Variants in DCAF5 observed in about 807,000 individuals in gnomAD.
DCAF5 encodes the protein DDB1 and CUL4 associated factor 5.
DCAF5 carries 9 observed loss-of-function variants against 80.7 expected under a neutral mutation model. The observed-to-expected ratio is 0.11, with a 90% CI of 0.07 to 0.19. DCAF5 has a LOEUF of 0.19. Among genes scored for constraint, DCAF5 ranks in the 10% least tolerant of loss-of-function variants. The pLI, the probability that DCAF5 is intolerant of heterozygous loss-of-function variation, is 1.00. For synonymous variants in DCAF5, 433 were observed against 461.9 expected (o/e 0.94, Z 0.80); for missense variants, 842 against 1,205.7 (o/e 0.70, Z 4.47).
At chr14:69,145,389 A>AT (rs1333242539) in intron 1 of DCAF5, among the ~76,000 whole-genome samples, 2 of 152,140 alleles carry the variant, frequency 1.3e-5, no homozygotes, top group African/African-American at 4.8e-5. Flanking sequence ...ACGTTAGCTA[A>AT]TTTTTCTAAT....
chr14:69,132,328 T>C (rs1280307313), intron 1 of DCAF5, among the ~76,000 whole-genome samples: 5 of 152,188 alleles, frequency 3.3e-5, no homozygotes, highest in Non-Finnish European at 5.9e-5. Context: ...GTTTGGATAA[T>C]AGTCATCCTA....
Position 69,118,408 on chromosome 14 carries a change from AATATTAT to A in DCAF5, c.396-137_396-131del, listed in dbSNP as rs879290566. The A allele has an allele frequency of 1.4e-5, 12 of 885,100 alleles. No homozygotes were observed. In the Admixed American group the frequency reaches 3.0e-4, roughly 22 times the overall value. 54.8% of individuals were successfully genotyped at this position (885,100 alleles called of 1,614,324 possible). ...AAAGTCAACCTAGCTAAACCCAAAA[AATATTAT>A]ATTTCCTGAAAGGTAGGTAGTCAAC... On this transcript the variant is annotated intron_variant, in intron 3 of 8. Coordinates refer to ENST00000341516, the MANE Select transcript of DCAF5 (RefSeq NM_003861.3). The surrounding 1 kb of genome is among the most constrained non-coding windows in gnomAD (Gnocchi z 4.0).
rs2037947399 is a variant in DCAF5, at chr14:69,055,785, G to A, written c.1075-174C>T. Among the ~76,000 whole-genome samples the A allele has an allele frequency of 6.6e-6, 1 of 152,184 alleles. No individual in the cohort carries two copies. The highest frequency in any genetic ancestry group is 1.5e-5 in the Non-Finnish European group (1 of 68,034). On this transcript the variant is annotated intron_variant, in intron 8 of 8. Transcript: ENST00000341516. This position sits in a 1 kb window ranked among gnomAD's most constrained non-coding sequence, Gnocchi z 5.6. ...TACCAGACTGGATCATGTGGGTTAT[G>A]TATGAAAACTGAGGTTTTTAGAATC...
chr14:69,067,463 C>T (rs1483347267), intron 7 of DCAF5, among the ~76,000 whole-genome samples: 1 of 151,652 alleles, frequency 6.6e-6, no homozygotes, highest in African/African-American at 2.4e-5. Context: ...CCTACCTCAG[C>T]CTCCCTAGTA....
At chr14:69,150,520 G>C (rs1032987183) in intron 1 of DCAF5, among the ~76,000 whole-genome samples, 1 of 152,098 alleles carries the variant, frequency 6.6e-6, no homozygotes, top group Non-Finnish European at 1.5e-5. Context: ...AGAACATTTC[G>C]TGCTTTTAAA....
At chr14:69,110,520 G>A (rs545033360) in intron 5 of DCAF5, among the ~76,000 whole-genome samples, 6 of 151,782 alleles carry the variant, frequency 4.0e-5, no homozygotes, top group East Asian at 1.9e-4. Context: ...CAACTGCCTC[G>A]GCCTCCCACA....
At chr14:69,133,189 A>G (rs1168397702) in intron 1 of DCAF5, among the ~76,000 whole-genome samples, 4 of 152,168 alleles carry the variant, frequency 2.6e-5, no homozygotes, top group African/African-American at 9.7e-5. Flanking sequence ...AAAGCTACAT[A>G]ATATGAAGGG....
At chr14:69,060,114 G>C (rs1159622505) in intron 8 of DCAF5, among the ~76,000 whole-genome samples, 1 of 152,148 alleles carries the variant, frequency 6.6e-6, no homozygotes, top group Non-Finnish European at 1.5e-5. Context: ...AACAGGCCCG[G>C]AGAGGACACG....
At chr14:69,092,866 G>A (rs2039580657) in intron 5 of DCAF5, among the ~76,000 whole-genome samples, 1 of 152,082 alleles carries the variant, frequency 6.6e-6, no homozygotes, top group Non-Finnish European at 1.5e-5. Context: ...ATATACTTTG[G>A]TTAATATATA....
At chr14:69,091,541 T>C in intron 6 of DCAF5, 133 bp downstream of exon 6, 1 of 793,524 alleles carries the variant, frequency 1.3e-6, no homozygotes, top group South Asian at 1.8e-5. Context: ...AGTCAGAACA[T>C]CTCCAGGCAC....
At chr14:69,117,123 T>C (rs2040566419) in intron 4 of DCAF5, among the ~76,000 whole-genome samples, 1 of 152,204 alleles carries the variant, frequency 6.6e-6, no homozygotes, top group Non-Finnish European at 1.5e-5. Flanking sequence ...GATATACTCC[T>C]ATGGGACCTG....
At chr14:69,072,707 C>T (rs1198683253) in intron 7 of DCAF5, among the ~76,000 whole-genome samples, 1 of 150,640 alleles carries the variant, frequency 6.6e-6, no homozygotes, top group African/African-American at 2.4e-5. Context: ...GGGTTGAATC[C>T]CCAAATGAGT....
At chr14:69,136,593 GA>G (rs961639116) in intron 1 of DCAF5, among the ~76,000 whole-genome samples, 1 of 151,880 alleles carries the variant, frequency 6.6e-6, no homozygotes, top group African/African-American at 2.4e-5. Context: ...TTTCACTTAT[GA>G]AAACTAATAT....
chr14:69,061,487 C>T (rs550136496), intron 8 of DCAF5, among the ~76,000 whole-genome samples: 2 of 152,324 alleles, frequency 1.3e-5, no homozygotes, highest in East Asian at 3.9e-4. Context: ...GGCTAGGACC[C>T]ACTTTTGCAG....
At chr14:69,082,465 T>TATTA (rs5809417) in intron 6 of DCAF5, among the ~76,000 whole-genome samples, 138,068 of 151,932 alleles carry the variant, frequency 0.91, 63,024 homozygotes, top group East Asian at 0.98. Flanking sequence ...GAAAAAATTC[T>TATTA]ATTAAGGAAT....
At chr14:69,088,144 T>G (rs35686041) in intron 6 of DCAF5, among the ~76,000 whole-genome samples, 1 of 152,056 alleles carries the variant, frequency 6.6e-6, no homozygotes, top group East Asian at 1.9e-4. Flanking sequence ...CACTCCTTAA[T>G]GTTTACTCCT....
intron 6 of DCAF5, among the ~76,000 whole-genome samples, chr14:69,082,715 G>T (rs1215867419): frequency 6.6e-6 from 1 of 152,200 alleles, no homozygotes; most frequent in Non-Finnish European, 1.5e-5. Context: ...ACTCACTTCA[G>T]TCCATATATG....
chr14:69,089,010 G>T (rs959271557), intron 6 of DCAF5, among the ~76,000 whole-genome samples: 2 of 152,002 alleles, frequency 1.3e-5, no homozygotes, highest in East Asian at 3.9e-4. Flanking sequence ...AAAACTATAA[G>T]TTCAGTAGAT....
intron 1 of DCAF5, among the ~76,000 whole-genome samples, chr14:69,134,066 T>C (rs922506166): frequency 5.3e-5 from 8 of 152,152 alleles, no homozygotes; most frequent in Non-Finnish European, 1.0e-4. Context: ...AGAGTAGAGA[T>C]GTAAGGCACC....
Sources: allele counts gnomAD v4.1 joint callset (sites outside exome capture counted in the v4.1 genomes callset), GRCh38; gene constraint gnomAD v4.1.1; non-coding constraint Gnocchi (gnomAD v3.1); transcripts MANE v1.5; gene names NCBI Gene and HGNC (gene_info 2026-07-23, HGNC 2026-07-21).